Variants in ARIH2 observed in about 807,000 individuals in gnomAD.
ARIH2 encodes the protein E3 ubiquitin-protein ligase ARIH2.
A neutral mutation model predicts 79.8 loss-of-function variants in ARIH2; 12 were observed. The observed-to-expected ratio is 0.15, with a 90% CI of 0.10 to 0.24. The LOEUF (loss-of-function observed/expected upper bound fraction) is 0.24, where lower values mean the gene tolerates loss of function less well. Ranked by LOEUF, ARIH2 falls within the 10% of genes least tolerant of loss-of-function variation. ARIH2 has a pLI of 1.00. For synonymous variants in ARIH2, 224 were observed against 213.9 expected, an observed-to-expected ratio of 1.05 and a Z score of -0.41; for missense variants, 301 against 618.3, an observed-to-expected ratio of 0.49 and a Z score of 5.44.
chr3:48,929,366 TGTG>T (rs2086071331), intron 3 of ARIH2, among the ~76,000 whole-genome samples: 2 of 152,190 alleles, frequency 1.3e-5, no homozygotes, highest in Admixed American at 1.3e-4. Context: ...GTTTTTTAAT[TGTG>T]GTAAAATATA....
intron 3 of ARIH2, among the ~76,000 whole-genome samples, chr3:48,935,175 G>A (rs1333486196): frequency 6.6e-6 from 1 of 152,088 alleles, no homozygotes; most frequent in Non-Finnish European, 1.5e-5. Context: ...GGTATTTATT[G>A]AGAACCTACT....
intron 11 of ARIH2, among the ~76,000 whole-genome samples, chr3:48,975,727 G>T (rs1322295593): frequency 6.6e-6 from 1 of 151,598 alleles, no homozygotes; most frequent in African/African-American, 2.4e-5. Context: ...ACCACGTCTG[G>T]CTAATTTCTG....
chr3:48,972,091 A>C (rs1441072543), intron 8 of ARIH2, among the ~76,000 whole-genome samples: 2 of 152,148 alleles, frequency 1.3e-5, no homozygotes, highest in Admixed American at 1.3e-4. Flanking sequence ...AGACTCCCGG[A>C]AGTGGGTCTC....
chr3:48,940,295 G>A (rs1420409411), intron 3 of ARIH2, among the ~76,000 whole-genome samples: 3 of 152,156 alleles, frequency 2.0e-5, no homozygotes, highest in South Asian at 2.1e-4. Flanking sequence ...ACTTGAACCC[G>A]GGAGGTGGAG....
intron 3 of ARIH2, among the ~76,000 whole-genome samples, chr3:48,954,115 C>T (rs369670028): frequency 2.0e-4 from 31 of 151,452 alleles, no homozygotes; most frequent in South Asian, 2.1e-4. Flanking sequence ...GAACCAAGAT[C>T]GCGCCATTGC....
At chr3:48,954,061 C>T (rs1291026296) in intron 3 of ARIH2, among the ~76,000 whole-genome samples, 2 of 151,786 alleles carry the variant, frequency 1.3e-5, no homozygotes, top group African/African-American at 2.4e-5. Context: ...CTTGGGAGGC[C>T]GAGACAGGAG....
At chr3:48,980,597 C>T in intron 13 of ARIH2, 101 bp downstream of exon 13, 1 of 1,349,994 alleles carries the variant, frequency 7.4e-7, no homozygotes, top group African/African-American at 1.5e-5. Flanking sequence ...GGTATTTTAG[C>T]ACCCTGTGCA....
chr3:48,929,945 G>A (rs1414443672), intron 3 of ARIH2, among the ~76,000 whole-genome samples: 2 of 152,150 alleles, frequency 1.3e-5, no homozygotes, highest in African/African-American at 2.4e-5. Context: ...GCAGAGATGA[G>A]GGAATAAATA....
At chr3:48,981,108 T>C (rs1394725629) in intron 13 of ARIH2, among the ~76,000 whole-genome samples, 2 of 149,564 alleles carry the variant, frequency 1.3e-5, no homozygotes, top group South Asian at 2.1e-4. Context: ...GGCAGGTGCA[T>C]TGCTTGAGCC....
intron 3 of ARIH2, among the ~76,000 whole-genome samples, chr3:48,942,645 ATTTTTTTTTTTT>A (rs745532484): frequency 1.9e-5 from 2 of 104,730 alleles, no homozygotes; most frequent in Admixed American, 9.9e-5. Context: ...TGCCCGGCTA[ATTTTTTTTTTTT>A]TTTTTTTTTT....
At chr3:48,978,485 T>A (rs866145691) in intron 11 of ARIH2, among the ~76,000 whole-genome samples, 410 of 117,380 alleles carry the variant, frequency 3.5e-3, no homozygotes, top group Middle Eastern at 0.014. Flanking sequence ...ATATATATAT[T>A]TTTTTTTTTT....
Position 48,937,816 on chromosome 3 carries a change from G to C in ARIH2, c.255+10003G>C, listed in dbSNP as rs372091924. On this transcript the variant is annotated intron_variant, in intron 3 of 15. Transcript: ENST00000356401. The stretch of plus-strand genomic sequence containing the variant: ...TAATCCCAGCACTTTGGGAGGCCAG[G>C]GCGGGTGGATCATGAGATCAGGAGA... Among the ~76,000 whole-genome samples, 186 of 152,178 alleles carry C rather than the reference G, an allele frequency of 1.2e-3. 7 individuals are homozygous for C. The South Asian group carries it at 0.038, about 31-fold the overall frequency.
intron 7 of ARIH2, among the ~76,000 whole-genome samples, chr3:48,969,108 C>A (rs1417614903): frequency 2.0e-5 from 3 of 151,768 alleles, no homozygotes; most frequent in African/African-American, 7.3e-5. Context: ...CTCTTGACCT[C>A]ATGATCTGCC....
In ARIH2 at chr3:48,962,375, C is replaced by CA. The variant is rs1316104810; in HGVS notation, c.323+707dup. 5.0e-3 allele frequency among the ~76,000 whole-genome samples: 714 copies of CA among 142,536 alleles called. 7 individuals are homozygous for CA. The highest frequency in any genetic ancestry group is 0.013 in the African/African-American group (520 of 39,032). 93.5% of individuals were successfully genotyped at this position (142,536 alleles called of 152,430 possible). ...CTGGTGGCAGAGTGAGACTCCATCT[C>CA]AAAAAAAAAAACAGAAAGAAAATAT... On this transcript the variant is annotated intron_variant, in intron 4 of 15. Transcript: ENST00000356401.
At chr3:48,958,853 A>C (rs1419014576) in intron 3 of ARIH2, among the ~76,000 whole-genome samples, 1 of 152,096 alleles carries the variant, frequency 6.6e-6, no homozygotes, top group African/African-American at 2.4e-5. Context: ...TGTCTCTACA[A>C]AATATAAAAA....
chr3:48,932,875 G>A (rs1403707991), intron 3 of ARIH2, among the ~76,000 whole-genome samples: 3 of 152,128 alleles, frequency 2.0e-5, no homozygotes, highest in Non-Finnish European at 4.4e-5. Flanking sequence ...AGAGGACCTT[G>A]AAGGTGGTGT....
intron 11 of ARIH2, among the ~76,000 whole-genome samples, chr3:48,977,987 G>A (rs1227439492): frequency 6.6e-6 from 1 of 152,132 alleles, no homozygotes; most frequent in Non-Finnish European, 1.5e-5. Context: ...CATTGTCAGG[G>A]TCTGGAAGAG....
chr3:48,975,081 A>G, intron 11 of ARIH2, 102 bp downstream of exon 11: 1 of 1,590,572 alleles, frequency 6.3e-7, no homozygotes. Flanking sequence ...GACAAAACAT[A>G]GAAGAACCTC....
chr3:48,927,830 A>T lies in ARIH2; in HGVS notation c.255+17A>T. The T allele has an allele frequency of 6.2e-7, 1 of 1,610,598 alleles. No individual in the cohort carries two copies. Among genetic ancestry groups the T allele is most frequent in the Non-Finnish European group, 8.5e-7 (1 of 1,177,586 alleles). ...GTCCTAAAGGTGAGCAGTGTTGTAA[A>T]CTCCAGTGTAATCCCCCCCAGTTAA... is the stretch of plus-strand genomic sequence containing the variant. On this transcript the variant is annotated intron_variant, in intron 3 of 15. Coordinates refer to ENST00000356401, the MANE Select transcript of ARIH2 (RefSeq NM_006321.4).
Sources: gnomAD v4.1 joint callset for allele counts (sites outside exome capture counted in the v4.1 genomes callset) on GRCh38, gnomAD v4.1.1 for gene constraint, MANE v1.5 for transcripts, NCBI Gene and HGNC (gene_info 2026-07-23, HGNC 2026-07-21) for gene names.